The following ST3GAL6 variants were observed in gnomAD, a reference collection of about 807,000 sequenced individuals.
The protein encoded by ST3GAL6 is ST3 beta-galactoside alpha-2,3-sialyltransferase 6.
Under a neutral mutation model 40.5 loss-of-function variants are expected in ST3GAL6, and 31 were observed. The observed-to-expected ratio is 0.77, with a 90% CI of 0.58 to 1.03. ST3GAL6 has a LOEUF of 1.03. ST3GAL6 is among the 50% of genes least tolerant of loss of function. ST3GAL6 has a pLI of 0.00. For missense variants in ST3GAL6, 357 were observed against 393.2 expected (o/e 0.91, Z 0.78); for synonymous variants, 129 against 136.9 (o/e 0.94, Z 0.40).
chr3:98,737,595 G>A (rs1457609147), intron 1 of ST3GAL6, among the ~76,000 whole-genome samples: 1 of 152,100 alleles, frequency 6.6e-6, no homozygotes, highest in Non-Finnish European at 1.5e-5. Context: ...TTAGTATCTA[G>A]GGAGACTTGG....
At position 98,772,878 on chromosome 3, in the gene ST3GAL6, G is replaced by A. The variant is rs1189693079; in HGVS notation, c.233G>A (p.Ser78Asn). 1.2e-6 allele frequency: 2 copies of A among 1,613,074 alleles called. No individual in the cohort carries two copies. Among genetic ancestry groups the A allele is most frequent in the East Asian group, 2.2e-5 (1 of 44,798 alleles). Residue 78 changes from serine to asparagine, a missense_variant, in exon 4 of 10, where the codon AGC (serine) becomes AAC (asparagine). By Grantham distance (46) the Ser-to-Asn change is conservative. Coordinates refer to ENST00000483910, the MANE Select transcript of ST3GAL6 (RefSeq NM_001323368.2). ...DFRKIASLYG[S>N]DKFDLPYGMR... ...AGAAAGATTGCTTCCTTGTATGGTA[G>A]CGATAAGTTTGATTTGCCCTATGGG...
chr3:98,768,407 G>A (rs1211877225), intron 1 of ST3GAL6, 23 bp from the exon 2 acceptor site: 6 of 1,580,482 alleles, frequency 3.8e-6, no homozygotes, highest in Non-Finnish European at 5.2e-6. Context: ...CCTTTGCTTT[G>A]GACTTCATTC....
At chr3:98,771,743 T>C (rs566311418) in intron 3 of ST3GAL6, among the ~76,000 whole-genome samples, 10 of 152,316 alleles carry the variant, frequency 6.6e-5, no homozygotes, top group African/African-American at 2.4e-4. Flanking sequence ...TAAGACTTTT[T>C]CGTATATGAT....
In ST3GAL6 at chr3:98,793,853, T is replaced by A; in HGVS notation, c.*92T>A. On this transcript the variant is annotated 3_prime_UTR_variant, in exon 10 of 10. Coordinates refer to ENST00000483910, the MANE Select transcript of ST3GAL6 (RefSeq NM_001323368.2). ...AAATATGTTGGATGCACTCGTCAAA[T>A]AATTATGTATACTGTCTGTTGCTGC... 1 of 678,578 alleles carries A rather than the reference T, an allele frequency of 1.5e-6. No homozygotes were observed. The highest frequency in any genetic ancestry group is 2.4e-6 in the Non-Finnish European group (1 of 414,826). The allele number at this position is 678,578 out of a possible 1,614,324, so 42.0% of individuals were successfully genotyped here. A position where few individuals can be genotyped will look rare whatever the true frequency, so the allele number is the denominator to read the frequency against.
At chr3:98,738,916 A>G (rs553708078) in intron 1 of ST3GAL6, among the ~76,000 whole-genome samples, 74 of 152,318 alleles carry the variant, frequency 4.9e-4, no homozygotes, top group African/African-American at 1.6e-3. Context: ...TCATCTGCAC[A>G]TGGCACATAC....
chr3:98,795,701 C>CTAT lies in ST3GAL6; in HGVS notation c.*1941_*1943dup, dbSNP rs1418198506. Reference sequence around the variant, plus strand: ...AGCGGGGAGGGCAAGGGCTGAAAGACTATGTATTGGGTACTATGCTCACAA... The same window carrying CTAT: ...AGCGGGGAGGGCAAGGGCTGAAAGACTATTATGTATTGGGTACTATGCTCACAA... On this transcript the variant is annotated 3_prime_UTR_variant, in exon 10 of 10. Transcript: ENST00000483910. The CTAT allele has an allele frequency of 6.6e-6, 1 of 152,194 alleles. No individual in the cohort carries two copies. Among genetic ancestry groups the CTAT allele is most frequent in the Admixed American group, 6.6e-5 (1 of 15,256 alleles). The allele number at this position is 152,194 out of a possible 1,614,324, so 9.4% of individuals were successfully genotyped here.
chr3:98,777,529 A>T (rs908557280), intron 5 of ST3GAL6, among the ~76,000 whole-genome samples: 4 of 152,232 alleles, frequency 2.6e-5, no homozygotes, highest in African/African-American at 9.6e-5. Flanking sequence ...TGTAGTTTGT[A>T]TTCCAGGTGA....
chr3:98,770,711 G>A (rs563473825), intron 2 of ST3GAL6, among the ~76,000 whole-genome samples, 168 bp from the exon 3 acceptor site: 2 of 152,258 alleles, frequency 1.3e-5, no homozygotes, highest in Non-Finnish European at 2.9e-5. Context: ...TCAGGTGTGT[G>A]TAGGGCTTGG....
chr3:98,771,483 C>T (rs1938981779), intron 3 of ST3GAL6, among the ~76,000 whole-genome samples: 1 of 152,102 alleles, frequency 6.6e-6, no homozygotes, highest in Non-Finnish European at 1.5e-5. Context: ...TGTTCTTTTC[C>T]TCCATCACTT....
chr3:98,770,914 T>G lies in ST3GAL6; in HGVS notation c.125T>G (p.Ile42Ser). ...GTGGAAATGAAACGGAGAAATAAGA[T>G]CCAGCCTTGTTTATCAAAGCCAGCT... ...APVEMKRRNK[I>S]QPCLSKPAFA... The change falls in exon 3 of 10, where the codon ATC (isoleucine) becomes AGC (serine). Residue 42 changes from isoleucine (I) to serine (S), a missense_variant. Transcript: ENST00000483910. The G allele has an allele frequency of 6.2e-7, 1 of 1,614,126 alleles. No individual in the cohort carries two copies. Among genetic ancestry groups the G allele is most frequent in the Non-Finnish European group, 8.5e-7 (1 of 1,179,990 alleles).
upstream of ST3GAL6, chr3:98,762,724 A>T: frequency 1.2e-6 from 1 of 865,862 alleles, no homozygotes; most frequent in Non-Finnish European, 1.4e-6. Context: ...TACTCTTAAA[A>T]ATATGGTTAT....
At chr3:98,736,991 G>C (rs1424790747) in intron 1 of ST3GAL6, among the ~76,000 whole-genome samples, 1 of 152,180 alleles carries the variant, frequency 6.6e-6, no homozygotes, top group Non-Finnish European at 1.5e-5. Context: ...CATGCCTGGA[G>C]ATTTTTGATG....
intron 1 of ST3GAL6, among the ~76,000 whole-genome samples, chr3:98,736,688 CAA>C (rs531781632): frequency 8.8e-4 from 134 of 152,310 alleles, no homozygotes; most frequent in African/African-American, 3.2e-3. Flanking sequence ...CACCATGTAA[CAA>C]GAGATGTTCT....
At chr3:98,790,262 A>G (rs1941080776) in intron 8 of ST3GAL6, among the ~76,000 whole-genome samples, 1 of 152,216 alleles carries the variant, frequency 6.6e-6, no homozygotes, top group Admixed American at 6.5e-5. Flanking sequence ...AAAGTAGTTA[A>G]GTACAGAAGT....
At chr3:98,751,840 A>G (rs1030018728) in intron 1 of ST3GAL6, among the ~76,000 whole-genome samples, 3 of 152,218 alleles carry the variant, frequency 2.0e-5, no homozygotes, top group African/African-American at 7.2e-5. Context: ...AATGGAAATA[A>G]TCTTCATGTA....
At chr3:98,740,685 GA>G (rs369311404) in intron 1 of ST3GAL6, among the ~76,000 whole-genome samples, 32 of 152,044 alleles carry the variant, frequency 2.1e-4, no homozygotes, top group African/African-American at 7.7e-4. Flanking sequence ...TTGTGATAAT[GA>G]AAAAAACACA....
chr3:98,732,612 C>G, intron 1 of ST3GAL6: 1 of 463,224 alleles, frequency 2.2e-6, no homozygotes, highest in East Asian at 3.8e-5. Flanking sequence ...CACTTTGCAC[C>G]TTCCTCCTCG....
chr3:98,777,560 G>A (rs765412849), intron 5 of ST3GAL6, among the ~76,000 whole-genome samples: 5 of 152,186 alleles, frequency 3.3e-5, no homozygotes, highest in Admixed American at 1.3e-4. Flanking sequence ...ACCTTTAAAA[G>A]CAAACATGAT....
chr3:98,770,589 CA>C (rs1576091074), intron 2 of ST3GAL6: 2 of 277,346 alleles, frequency 7.2e-6, no homozygotes, highest in East Asian at 1.6e-4. Context: ...TTCTACAATG[CA>C]GTAATCCTGG....
Sources: allele counts gnomAD v4.1 joint callset (sites outside exome capture counted in the v4.1 genomes callset), GRCh38; gene constraint gnomAD v4.1.1; transcripts MANE v1.5; gene names NCBI Gene and HGNC (gene_info 2026-07-23, HGNC 2026-07-21).